LRRIQ3: variants seen among roughly 807,000 people sequenced by gnomAD.
The protein encoded by LRRIQ3 is leucine rich repeats and IQ motif containing 3.
Under a neutral mutation model 59.3 loss-of-function variants are expected in LRRIQ3, and 75 were observed. The ratio of observed to expected loss-of-function variants is 1.26; its 90% CI spans 1.05 to 1.53. The LOEUF is 1.53. Among genes scored for constraint, LRRIQ3 ranks in the 40% most tolerant of loss-of-function variants. The pLI is 0.00. For synonymous variants in LRRIQ3, 250 were observed against 231.3 expected (o/e 1.08, Z -0.73); for missense variants, 831 against 710.0 (o/e 1.17, Z -1.94).
chr1:74,133,102 C>T (rs1647054109), intron 4 of LRRIQ3, among the ~76,000 whole-genome samples: 1 of 152,094 alleles, frequency 6.6e-6, no homozygotes. Context: ...CCAACGGACA[C>T]ATGAAAAAAT....
At chr1:74,168,546 T>G (rs1168923650) in intron 3 of LRRIQ3, among the ~76,000 whole-genome samples, 1 of 152,092 alleles carries the variant, frequency 6.6e-6, no homozygotes, top group African/African-American at 2.4e-5. Context: ...GCCAATCTCT[T>G]TCTTATAACT....
intron 5 of LRRIQ3, among the ~76,000 whole-genome samples, chr1:74,098,116 G>T (rs1035150828): frequency 1.3e-4 from 20 of 152,018 alleles, no homozygotes; most frequent in African/African-American, 4.6e-4. Flanking sequence ...CTGGCAAATT[G>T]GATAAAGAGT....
intron 4 of LRRIQ3, among the ~76,000 whole-genome samples, chr1:74,120,186 C>T (rs549939450): frequency 2.0e-5 from 3 of 151,060 alleles, no homozygotes; most frequent in South Asian, 2.1e-4. Context: ...GGCGTGATCT[C>T]GGCTCACTGC....
chr1:74,104,878 T>C (rs890624799), intron 5 of LRRIQ3, among the ~76,000 whole-genome samples: 4 of 151,978 alleles, frequency 2.6e-5, no homozygotes, highest in African/African-American at 9.7e-5. Flanking sequence ...ACCACTGTGG[T>C]GTAGGATGCC....
rs74794629 is a variant in LRRIQ3 at position 74,071,750 on chromosome 1, C to G, written c.997+2911G>C. Among the ~76,000 whole-genome samples the G allele has an allele frequency of 1.3e-3, 203 of 152,156 alleles. 8 individuals are homozygous for G. The East Asian group carries it at 0.031, about 23-fold the overall frequency. On this transcript the variant is annotated intron_variant, in intron 6 of 7. Coordinates refer to ENST00000354431, the MANE Select transcript of LRRIQ3 (RefSeq NM_001105659.2). ...TAATAAAATATCATTTAGACTGGAG[C>G]ATGTTCAAGACTGAAAGGCACTGTT...
intron 4 of LRRIQ3, among the ~76,000 whole-genome samples, chr1:74,142,252 C>G (rs1647292111): frequency 1.3e-5 from 2 of 151,920 alleles, no homozygotes; most frequent in African/African-American, 4.8e-5. Context: ...GTACCAGTCT[C>G]TATTCACACT....
At chr1:74,040,568 G>T (rs1255038571) in intron 7 of LRRIQ3, among the ~76,000 whole-genome samples, 1 of 152,120 alleles carries the variant, frequency 6.6e-6, no homozygotes, top group African/African-American at 2.4e-5. Context: ...AAATGCAAAA[G>T]AACTGAAATC....
chr1:74,139,017 TAA>T (rs1557635509), intron 4 of LRRIQ3, among the ~76,000 whole-genome samples: 1 of 148,254 alleles, frequency 6.7e-6, no homozygotes, highest in Non-Finnish European at 1.5e-5. Context: ...CTACAAAAAA[TAA>T]AGAAATAAAA....
chr1:74,046,488 A>G (rs1654207520), intron 6 of LRRIQ3, among the ~76,000 whole-genome samples: 1 of 152,238 alleles, frequency 6.6e-6, no homozygotes, highest in Non-Finnish European at 1.5e-5. Context: ...CTAAAGCCAT[A>G]AAAACCCTAG....
chr1:74,088,383 C>A lies in LRRIQ3; in HGVS notation c.868-13593G>T, dbSNP rs553040034. 1.2e-4 allele frequency among the ~76,000 whole-genome samples: 19 copies of A among 152,036 alleles called. No individual in the cohort carries two copies. In the South Asian group the frequency reaches 3.9e-3, roughly 32 times the overall value. ...AAGCATAAAACAATAACAAACTATA[C>A]CATTGAAGATTCTTAAGATTTTTTG... On this transcript the variant is annotated intron_variant, in intron 5 of 7. Transcript: ENST00000354431.
At chr1:74,030,224 C>G (rs533738643) in intron 7 of LRRIQ3, among the ~76,000 whole-genome samples, 1 of 152,132 alleles carries the variant, frequency 6.6e-6, no homozygotes, top group South Asian at 2.1e-4. Context: ...AGTGCCATCC[C>G]CATCAAGCTA....
At chr1:74,128,072 A>C (rs1287661679) in intron 4 of LRRIQ3, among the ~76,000 whole-genome samples, 1 of 152,048 alleles carries the variant, frequency 6.6e-6, no homozygotes, top group Non-Finnish European at 1.5e-5. Context: ...TTTCCACTGC[A>C]AAGTCTGTTG....
At chr1:74,094,737 G>A (rs929942371) in intron 5 of LRRIQ3, among the ~76,000 whole-genome samples, 3 of 152,068 alleles carry the variant, frequency 2.0e-5, no homozygotes, top group African/African-American at 7.2e-5. Context: ...GAGAGGAAGA[G>A]AGATATGATA....
chr1:74,187,494 C>A (rs7531271), intron 1 of LRRIQ3, among the ~76,000 whole-genome samples: 1 of 151,662 alleles, frequency 6.6e-6, no homozygotes, highest in Admixed American at 6.6e-5. Context: ...AATGGAAAAC[C>A]AAATATCATA....
At chr1:74,148,220 T>C (rs190649708) in intron 4 of LRRIQ3, among the ~76,000 whole-genome samples, 11 of 152,334 alleles carry the variant, frequency 7.2e-5, no homozygotes, top group Admixed American at 5.2e-4. Context: ...CTTTTTGTTA[T>C]AGATGCATCT....
At chr1:74,104,230 G>C (rs562917549) in intron 5 of LRRIQ3, among the ~76,000 whole-genome samples, 5 of 152,026 alleles carry the variant, frequency 3.3e-5, no homozygotes, top group East Asian at 3.9e-4. Flanking sequence ...AGCTGATGAG[G>C]TCTTGTGTAG....
At chr1:74,084,554 G>A (rs1646306959) in intron 5 of LRRIQ3, among the ~76,000 whole-genome samples, 1 of 151,618 alleles carries the variant, frequency 6.6e-6, no homozygotes. Flanking sequence ...TAGCAGTTGA[G>A]AATATATATT....
chr1:74,143,031 G>C (rs1647330291), intron 4 of LRRIQ3, among the ~76,000 whole-genome samples: 1 of 151,962 alleles, frequency 6.6e-6, no homozygotes, highest in South Asian at 2.1e-4. Flanking sequence ...ATGGAAAACT[G>C]CTTTCTAATA....
At chr1:74,080,835 G>T (rs749113523) in intron 5 of LRRIQ3, among the ~76,000 whole-genome samples, 3 of 151,570 alleles carry the variant, frequency 2.0e-5, no homozygotes, top group African/African-American at 4.8e-5. Context: ...GGAGGTTAAC[G>T]TGTACAGCAA....
Sources: allele counts gnomAD v4.1 joint callset (sites outside exome capture counted in the v4.1 genomes callset), GRCh38; gene constraint gnomAD v4.1.1; transcripts MANE v1.5; gene names NCBI Gene and HGNC (gene_info 2026-07-23, HGNC 2026-07-21).